The following STX8 variants were observed in gnomAD, a reference collection of about 807,000 sequenced individuals.
STX8 encodes syntaxin-8.
Under a neutral mutation model 37.5 loss-of-function variants are expected in STX8, and 23 were observed. The observed-to-expected ratio is 0.61, with a 90% CI of 0.44 to 0.87. The LOEUF is 0.87. STX8 is among the 40% of genes least tolerant of loss of function. The pLI, the probability that STX8 is intolerant of heterozygous loss-of-function variation, is 0.00. For synonymous variants in STX8, 115 were observed against 99.1 expected, an observed-to-expected ratio of 1.16 and a Z score of -0.95; for missense variants, 313 against 284.7, an observed-to-expected ratio of 1.10 and a Z score of -0.71.
At chr17:9,255,814 C>A (rs1346772557) in intron 7 of STX8, among the ~76,000 whole-genome samples, 1 of 152,152 alleles carries the variant, frequency 6.6e-6, no homozygotes, top group African/African-American at 2.4e-5. Flanking sequence ...CAGGTGACAG[C>A]GATAAGCAAA....
At chr17:9,287,562 C>T (rs1008408061) in intron 7 of STX8, among the ~76,000 whole-genome samples, 1 of 152,100 alleles carries the variant, frequency 6.6e-6, no homozygotes, top group Non-Finnish European at 1.5e-5. Context: ...GCCAAGTTTC[C>T]ACTCATTAGG....
intron 7 of STX8, among the ~76,000 whole-genome samples, chr17:9,312,743 G>C (rs776316806): frequency 3.3e-5 from 5 of 152,164 alleles, no homozygotes; most frequent in African/African-American, 4.8e-5. Flanking sequence ...TTACATTACA[G>C]AGAGGAATTT....
chr17:9,562,567 G>C (rs1456692158), intron 2 of STX8, among the ~76,000 whole-genome samples: 1 of 149,618 alleles, frequency 6.7e-6, no homozygotes, highest in African/African-American at 2.5e-5. Flanking sequence ...TAATAATCCA[G>C]TAGAAAAATG....
intron 1 of STX8, among the ~76,000 whole-genome samples, chr17:9,569,000 G>T (rs1040489925): frequency 6.6e-6 from 1 of 152,254 alleles, no homozygotes; most frequent in Middle Eastern, 3.4e-3. Flanking sequence ...CTATGAAGTG[G>T]GTACCATTAC....
chr17:9,560,053 C>T (rs767535540), intron 2 of STX8, among the ~76,000 whole-genome samples: 49 of 150,552 alleles, frequency 3.3e-4, no homozygotes, highest in Admixed American at 2.3e-3. Flanking sequence ...TGAGCCACCG[C>T]GCCCAGACTG....
chr17:9,531,192 G>C (rs1272039551), intron 4 of STX8, among the ~76,000 whole-genome samples: 1 of 152,154 alleles, frequency 6.6e-6, no homozygotes, highest in East Asian at 1.9e-4. Flanking sequence ...GGTGAGTCTG[G>C]ATAACTGGTC....
intron 4 of STX8, among the ~76,000 whole-genome samples, chr17:9,527,507 T>G (rs1045366952): frequency 1.3e-5 from 2 of 152,210 alleles, no homozygotes; most frequent in African/African-American, 2.4e-5. Flanking sequence ...TAATTCTACT[T>G]TCTTCTTCCC....
intron 6 of STX8, among the ~76,000 whole-genome samples, chr17:9,411,466 A>G (rs1912976031): frequency 2.0e-5 from 3 of 152,254 alleles, no homozygotes; most frequent in African/African-American, 7.2e-5. Context: ...CAACACCAGG[A>G]AAAACACAGT....
At chr17:9,410,155 C>A (rs1912933379) in intron 6 of STX8, among the ~76,000 whole-genome samples, 1 of 152,198 alleles carries the variant, frequency 6.6e-6, no homozygotes, top group African/African-American at 2.4e-5. Context: ...TTCATGCTTG[C>A]ATGAATGGCA....
At chr17:9,400,445 C>T (rs1461620670) in intron 6 of STX8, among the ~76,000 whole-genome samples, 5 of 150,108 alleles carry the variant, frequency 3.3e-5, no homozygotes, top group South Asian at 2.1e-4. Context: ...CGCGCTGTCA[C>T]GCAGGCTGGA....
chr17:9,456,860 G>C (rs547500500), intron 6 of STX8, among the ~76,000 whole-genome samples: 1 of 152,254 alleles, frequency 6.6e-6, no homozygotes. Context: ...TCGGAAAACA[G>C]CCCTGCTTCT....
chr17:9,353,146 A>G (rs1262584589), intron 7 of STX8, among the ~76,000 whole-genome samples: 2 of 151,982 alleles, frequency 1.3e-5, no homozygotes, highest in African/African-American at 4.8e-5. Flanking sequence ...CAATCCTCAC[A>G]CTTTGGCTTC....
intron 3 of STX8, chr17:9,556,802 C>CATATATATAT (rs1183053093): frequency 7.4e-5 from 7 of 95,014 alleles, no homozygotes; most frequent in African/African-American, 2.7e-4. Context: ...TATACACATA[C>CATATATATAT]ATATATATAT....
intron 6 of STX8, among the ~76,000 whole-genome samples, chr17:9,394,080 G>C (rs116540660): frequency 2.0e-3 from 299 of 152,224 alleles, no homozygotes; most frequent in African/African-American, 6.8e-3. Context: ...AAAAACAATA[G>C]AAGCAAAGCA....
At chr17:9,481,608 T>C (rs61709699) in intron 6 of STX8, among the ~76,000 whole-genome samples, 5,639 of 152,200 alleles carry the variant, frequency 0.037, 334 homozygotes, top group African/African-American at 0.13. Flanking sequence ...TTAAACCACA[T>C]GGCATCATAC....
At chr17:9,439,460 C>A (rs1174195648) in intron 6 of STX8, among the ~76,000 whole-genome samples, 1 of 151,874 alleles carries the variant, frequency 6.6e-6, no homozygotes, top group Non-Finnish European at 1.5e-5. Context: ...TTACTTATAT[C>A]TTCAATAGTC....
chr17:9,368,292 C>T (rs1289711971), intron 7 of STX8, among the ~76,000 whole-genome samples: 1 of 152,076 alleles, frequency 6.6e-6, no homozygotes, highest in African/African-American at 2.4e-5. Context: ...ATCACGAGGT[C>T]AGGAGATCGA....
At chr17:9,506,068 C>A (rs993861569) in intron 4 of STX8, among the ~76,000 whole-genome samples, 1 of 151,886 alleles carries the variant, frequency 6.6e-6, no homozygotes. Context: ...ATTTGTCAAT[C>A]TTAACCTTAC....
chr17:9,445,997 G>A (rs992040207), intron 6 of STX8, among the ~76,000 whole-genome samples: 25 of 151,734 alleles, frequency 1.6e-4, no homozygotes, highest in Admixed American at 9.2e-4. Flanking sequence ...CACCACGCCC[G>A]GCTGATTTTT....
Sources: allele counts gnomAD v4.1 joint callset (sites outside exome capture counted in the v4.1 genomes callset), GRCh38; gene constraint gnomAD v4.1.1; transcripts MANE v1.5; gene names NCBI Gene and HGNC (gene_info 2026-07-23, HGNC 2026-07-21).